MAOA: variants seen among roughly 807,000 people sequenced by gnomAD.
MAOA encodes amine oxidase [flavin-containing] A.
MAOA carries 6 observed loss-of-function variants against 42.0 expected under a neutral mutation model. That is an observed-to-expected ratio of 0.14 (90% CI 0.08 to 0.28). The LOEUF (loss-of-function observed/expected upper bound fraction) is 0.28. Among genes scored for constraint, MAOA ranks in the 10% least tolerant of loss-of-function variants. The probability of loss-of-function intolerance (pLI) is 1.00; values close to 1 mark genes in which losing one functional copy is unlikely to be tolerated. For synonymous variants in MAOA, 140 were observed against 154.0 expected, an observed-to-expected ratio of 0.91 and a Z score of 0.67; for missense variants, 262 against 422.3, an observed-to-expected ratio of 0.62 and a Z score of 3.33.
intron 5 of MAOA, among the ~76,000 whole-genome samples, chrX:43,719,727 T>C (rs1192360718): frequency 9.0e-6 from 1 of 110,820 alleles, no homozygotes; most frequent in Non-Finnish European, 1.9e-5. Flanking sequence ...TCTTCCAGGA[T>C]GGCTCAGAGA....
intron 3 of MAOA, among the ~76,000 whole-genome samples, chrX:43,701,277 A>G (rs1045919831): frequency 1.8e-5 from 2 of 111,621 alleles, no homozygotes; most frequent in Admixed American, 9.6e-5. Flanking sequence ...AGCATTAGCC[A>G]TCTCCTCTCA....
intron 2 of MAOA, among the ~76,000 whole-genome samples, chrX:43,688,075 G>A (rs2033501843): frequency 8.9e-6 from 1 of 112,121 alleles, no homozygotes; most frequent in South Asian, 3.7e-4. Flanking sequence ...ACCTTCCAAC[G>A]GCTCCCCTTC....
In MAOA at chrX:43,703,418, A is replaced by G. The variant is rs912727281; in HGVS notation, c.307-8454A>G. ...AAGCCCATGATGCACTTGCAATTTT[A>G]GCTAGATATACAAGCAATTTCCTTC... On this transcript the variant is annotated intron_variant, in intron 3 of 14. Transcript: ENST00000338702. Among the ~76,000 whole-genome samples the G allele has an allele frequency of 1.3e-4, 15 of 112,325 alleles. No individual in the cohort carries two copies. The East Asian group carries it at 4.2e-3, about 32-fold the overall frequency.
At chrX:43,724,851 C>T (rs2033819294) in intron 5 of MAOA, among the ~76,000 whole-genome samples, 1 of 112,131 alleles carries the variant, frequency 8.9e-6, no homozygotes, top group Non-Finnish European at 1.9e-5. Flanking sequence ...TTAAATGTGT[C>T]CCAGAGATTC....
intron 2 of MAOA, among the ~76,000 whole-genome samples, chrX:43,684,874 C>CTTTTTTTTTT (rs201207592): frequency 1.1e-3 from 67 of 59,556 alleles, no homozygotes; most frequent in East Asian, 1.5e-3. Flanking sequence ...CTTTTCTTTT[C>CTTTTTTTTTT]TTTTTTTTTT....
At chrX:43,713,637 A>C (rs2033715749) in intron 5 of MAOA, among the ~76,000 whole-genome samples, 1 of 111,471 alleles carries the variant, frequency 9.0e-6, no homozygotes, top group Non-Finnish European at 1.9e-5. Context: ...ATGGGGGTGA[A>C]CTTCTTAGGA....
intron 1 of MAOA, among the ~76,000 whole-genome samples, chrX:43,658,514 G>GT (rs2033205759): frequency 9.0e-6 from 1 of 111,721 alleles, no homozygotes; most frequent in Non-Finnish European, 1.9e-5. Context: ...TTCTTAGAGA[G>GT]GATACCCAAG....
chrX:43,716,840 TG>T (rs1323437834), intron 5 of MAOA, among the ~76,000 whole-genome samples: 2 of 109,474 alleles, frequency 1.8e-5, no homozygotes, highest in Non-Finnish European at 3.8e-5. Context: ...TCATGAATGG[TG>T]TGGCAGGATA....
At chrX:43,682,775 C>T (rs184882969) in intron 1 of MAOA, among the ~76,000 whole-genome samples, 2 of 112,020 alleles carry the variant, frequency 1.8e-5, no homozygotes, top group Admixed American at 1.9e-4. Context: ...GCCAGGTGAT[C>T]AGATCAAGGT....
intron 5 of MAOA, among the ~76,000 whole-genome samples, chrX:43,721,238 G>T (rs779358051): frequency 9.0e-6 from 1 of 111,462 alleles, no homozygotes; most frequent in South Asian, 3.8e-4. Context: ...TAGGCATAGA[G>T]GACAGGGACA....
chrX:43,693,650 A>G (rs1242922571), intron 3 of MAOA, among the ~76,000 whole-genome samples: 1 of 110,458 alleles, frequency 9.1e-6, no homozygotes, highest in African/African-American at 3.3e-5. Flanking sequence ...ACTCAGCTTG[A>G]CCTTCCTCCC....
chrX:43,655,152 C>CGCACCAGTACCGGCACCA (rs1470607754), upstream of MAOA: 1 of 118,718 alleles, frequency 8.4e-6, no homozygotes, highest in Non-Finnish European at 1.7e-5. Flanking sequence ...CACCAGTACC[C>CGCACCAGTACCGGCACCA]GCACCAGTAC....
chrX:43,663,582 A>T (rs1030187694), intron 1 of MAOA, among the ~76,000 whole-genome samples: 7 of 111,548 alleles, frequency 6.3e-5, no homozygotes, highest in African/African-American at 1.3e-4. Flanking sequence ...ACTGACTTCC[A>T]GGACAGTGCT....
At chrX:43,676,544 G>T (rs1282818828) in intron 1 of MAOA, among the ~76,000 whole-genome samples, 1 of 111,678 alleles carries the variant, frequency 9.0e-6, no homozygotes, top group Non-Finnish European at 1.9e-5. Context: ...CATCGCTCAT[G>T]CTGGGAGCTG....
At chrX:43,720,815 T>C (rs1462885023) in intron 5 of MAOA, among the ~76,000 whole-genome samples, 2 of 109,276 alleles carry the variant, frequency 1.8e-5, no homozygotes, top group African/African-American at 6.7e-5. Context: ...GGTAATGATA[T>C]CCCCAAATCA....
At chrX:43,662,814 T>G (rs1166879305) in intron 1 of MAOA, among the ~76,000 whole-genome samples, 2 of 105,025 alleles carry the variant, frequency 1.9e-5, no homozygotes, top group Admixed American at 1.0e-4. Flanking sequence ...AATGATAGGG[T>G]TTTTTTTTTC....
chrX:43,662,170 A>G (rs2033238812), intron 1 of MAOA, among the ~76,000 whole-genome samples: 1 of 111,286 alleles, frequency 9.0e-6, no homozygotes, highest in Non-Finnish European at 1.9e-5. Flanking sequence ...AATGCCACTT[A>G]TTTTTGGTGT....
chrX:43,736,187 C>T, intron 9 of MAOA, 40 bp from the exon 10 acceptor site: 1 of 1,044,023 alleles, frequency 9.6e-7, no homozygotes, highest in Non-Finnish European at 1.3e-6. Flanking sequence ...TTAAAATAAA[C>T]AGCTGTAACC....
chrX:43,724,603 T>G (rs1465818713), intron 5 of MAOA, among the ~76,000 whole-genome samples: 1 of 111,572 alleles, frequency 9.0e-6, no homozygotes, highest in African/African-American at 3.3e-5. Context: ...GTCTATTTTG[T>G]TGATCTTTTC....
Sources: gnomAD v4.1 joint callset for allele counts (sites outside exome capture counted in the v4.1 genomes callset) on GRCh38, gnomAD v4.1.1 for gene constraint, MANE v1.5 for transcripts, NCBI Gene and HGNC (gene_info 2026-07-23, HGNC 2026-07-21) for gene names.